The following LONP1 variants were observed in gnomAD, a reference collection of about 807,000 sequenced individuals.
The protein encoded by LONP1 is lon peptidase 1, mitochondrial.
In LONP1, 31 loss-of-function variants were observed where a neutral mutation model predicts 98.5. The observed-to-expected ratio is 0.31, with a 90% CI of 0.24 to 0.42. The LOEUF is 0.42. Ranked by LOEUF, LONP1 falls within the 20% of genes least tolerant of loss-of-function variation. The pLI is 1.00. For synonymous variants in LONP1, 781 were observed against 594.7 expected, an observed-to-expected ratio of 1.31 and a Z score of -4.56; for missense variants, 1,336 against 1,350.6, an observed-to-expected ratio of 0.99 and a Z score of 0.17.
At chr19:5,714,124 G>A in intron 2 of LONP1, 59 bp downstream of exon 2, 3 of 1,333,818 alleles carry the variant, frequency 2.2e-6, no homozygotes, top group Non-Finnish European at 3.2e-6. Flanking sequence ...AGTAGGACTT[G>A]TGGTGAGCTG....
chr19:5,700,685 G>A (rs568073177), intron 9 of LONP1, 104 bp downstream of exon 9: 42 of 1,480,962 alleles, frequency 2.8e-5, no homozygotes, highest in Middle Eastern at 4.7e-4. Context: ...CCAGGCCTAC[G>A]AATTCACCAG....
Position 5,696,376 on chromosome 19 carries a change from G to T in LONP1, c.1774-5C>A. 2.5e-6 allele frequency: 4 copies of T among 1,612,364 alleles called. No individual in the cohort carries two copies. Among genetic ancestry groups the T allele is most frequent in the Non-Finnish European group, 3.4e-6 (4 of 1,179,450 alleles). On this transcript the variant is annotated splice_polypyrimidine_tract_variant and splice_region_variant and intron_variant, in intron 11 of 17. Transcript: ENST00000360614. ...GCCTCGGCCGATCTTGTCCACCTGG[G>T]GCAGCAGACAGCAGGTGGTGCCCCT...
intron 8 of LONP1, among the ~76,000 whole-genome samples, chr19:5,703,251 C>T (rs2055089472): frequency 6.6e-6 from 1 of 151,880 alleles, no homozygotes; most frequent in African/African-American, 2.4e-5. Flanking sequence ...GAGGAGATGG[C>T]CGGAGGTCCA....
At chr19:5,718,510 T>C (rs1471321023) in intron 1 of LONP1, among the ~76,000 whole-genome samples, 1 of 150,752 alleles carries the variant, frequency 6.6e-6, no homozygotes, top group Admixed American at 6.6e-5. Flanking sequence ...TGGAGCAGCG[T>C]TGGAGAAGCT....
At chr19:5,710,519 C>T (rs2055220790) in intron 4 of LONP1, among the ~76,000 whole-genome samples, 1 of 152,082 alleles carries the variant, frequency 6.6e-6, no homozygotes, top group Non-Finnish European at 1.5e-5. Flanking sequence ...CAGGTTAGAC[C>T]ACTGGTGTGT....
In LONP1 at chr19:5,719,780, G is replaced by C. The variant is rs1219655154; in HGVS notation, c.353C>G (p.Pro118Arg). Reference sequence around the variant, plus strand: ...GAGCGGCAGGTGCGGAAACACATCGGGGATCGTCATGGGCGTGAGCGCCGT... The same window carrying C: ...GAGCGGCAGGTGCGGAAACACATCGCGGATCGTCATGGGCGTGAGCGCCGT... Reference protein sequence around the residue: ...VITALTPMTIPDVFPHLPLIA... With the variant: ...VITALTPMTIRDVFPHLPLIA... Residue 118 changes from proline to arginine, a missense_variant, in exon 1 of 18, where the codon CCC becomes CGC. Around this residue, in one of 5 missense-constraint regions of LONP1, gnomAD observed 457 missense variants for 403.1 expected, o/e 1.13. Transcript: ENST00000360614. 6.2e-7 allele frequency: 1 copy of C among 1,613,362 alleles called. No homozygotes were observed. The highest frequency in any genetic ancestry group is 1.1e-5 in the South Asian group (1 of 91,082).
At chr19:5,698,573 C>T (rs1159745561) in intron 10 of LONP1, among the ~76,000 whole-genome samples, 5 of 152,166 alleles carry the variant, frequency 3.3e-5, no homozygotes, top group East Asian at 1.9e-4. Context: ...CTCTGGTGTG[C>T]GCGGCCCGGT....
chr19:5,713,493 A>G (rs1487584784), intron 2 of LONP1, among the ~76,000 whole-genome samples: 2 of 152,132 alleles, frequency 1.3e-5, no homozygotes, highest in African/African-American at 4.8e-5. Flanking sequence ...AGCCACAAAG[A>G]CATGGTCCAG....
intron 13 of LONP1, among the ~76,000 whole-genome samples, chr19:5,695,484 G>A (rs1456332411): frequency 6.6e-6 from 1 of 152,192 alleles, no homozygotes; most frequent in African/African-American, 2.4e-5. Flanking sequence ...GAGAAGTCAG[G>A]CTGGGAACTG....
chr19:5,702,260 G>T (rs1294076993), intron 8 of LONP1, among the ~76,000 whole-genome samples: 6 of 133,750 alleles, frequency 4.5e-5, no homozygotes, highest in Non-Finnish European at 7.9e-5. Context: ...GTTGGGGGGG[G>T]GGTCAGCCCC....
chr19:5,707,163 A>G lies in LONP1; in HGVS notation c.1063-20T>C, dbSNP rs747464131. 31 of 1,605,418 alleles carry G rather than the reference A, an allele frequency of 1.9e-5. No individual in the cohort carries two copies. The highest frequency in any genetic ancestry group is 2.2e-5 in the Non-Finnish European group (26 of 1,173,662). ...AGGAATCTGCCGAGACAGGGAGGACAGAAAGGATGAGCAGAAGTCGGCATC... is the reference window on the plus strand; with the variant it reads ...AGGAATCTGCCGAGACAGGGAGGACGGAAAGGATGAGCAGAAGTCGGCATC... On this transcript the variant is annotated intron_variant, in intron 6 of 17. Coordinates refer to ENST00000360614, the MANE Select transcript of LONP1 (RefSeq NM_004793.4).
intron 4 of LONP1, chr19:5,708,984 A>T (rs111468508): frequency 4.1e-5 from 6 of 146,860 alleles, no homozygotes; most frequent in African/African-American, 1.5e-4. Context: ...CTGCACTCCA[A>T]CCTGGGCGAA....
chr19:5,705,847 G>T lies in LONP1; in HGVS notation c.1292C>A (p.Pro431His). 1.2e-6 allele frequency: 2 copies of T among 1,614,150 alleles called. No individual in the cohort carries two copies. The highest frequency in any genetic ancestry group is 1.7e-6 in the Non-Finnish European group (2 of 1,180,028). The change falls in exon 8 of 18, where the codon CCC becomes CAC. Residue 431 changes from proline (P) to histidine (H), a missense_variant. Physicochemically the swap from Pro to His is moderately conservative, Grantham distance 77. Around this residue, in one of 5 missense-constraint regions of LONP1, gnomAD observed 219 missense variants for 241.0 expected, o/e 0.91. Transcript: ENST00000360614. Reference protein sequence around the residue: ...FRERLKELVVPKHVMDVVDEE... With the variant: ...FRERLKELVVHKHVMDVVDEE... The stretch of plus-strand genomic sequence containing the variant: ...GTCCACAACATCCATGACGTGCTTG[G>T]GGACCACGAGCTCCTTCAGGCGCTC...
intron 4 of LONP1, chr19:5,708,721 G>A (rs2055188746): frequency 3.6e-6 from 1 of 278,742 alleles, no homozygotes; most frequent in African/African-American, 2.2e-5. Flanking sequence ...TTTTTTAAGA[G>A]ACCAAGTCTT....
chr19:5,695,043 C>T (rs2054901544), intron 13 of LONP1, 142 bp from the exon 14 acceptor site: 2 of 988,574 alleles, frequency 2.0e-6, no homozygotes, highest in Non-Finnish European at 2.9e-6. Context: ...AGGGCCTGGA[C>T]ACCCCGCCCT....
At chr19:5,710,239 C>A (rs1395126937) in intron 4 of LONP1, among the ~76,000 whole-genome samples, 1 of 151,724 alleles carries the variant, frequency 6.6e-6, no homozygotes, top group Admixed American at 6.6e-5. Flanking sequence ...CATAAGCCAC[C>A]ACACCTGGCT....
At position 5,707,138 on chromosome 19, in the gene LONP1, A is replaced by G; in HGVS notation, c.1068T>C (p.Pro356=). ...GGGAGAGGGCCTTGTACAGCCGCTT[A>G]GGAATCTGCCGAGACAGGGAGGACA... ...LQDVLEETNI[P]KRLYKALSLL... The change falls in exon 7 of 18, where the codon CCT becomes CCC. Residue 356 remains proline, a synonymous_variant. Transcript: ENST00000360614. The G allele has an allele frequency of 6.2e-7, 1 of 1,613,104 alleles. No individual in the cohort carries two copies. Among genetic ancestry groups the G allele is most frequent in the African/African-American group, 1.3e-5 (1 of 75,064 alleles).
At chr19:5,693,954 C>T (rs556542025) in intron 15 of LONP1, among the ~76,000 whole-genome samples, 185 bp from the exon 16 acceptor site, 11 of 152,176 alleles carry the variant, frequency 7.2e-5, no homozygotes, top group Non-Finnish European at 1.3e-4. Flanking sequence ...GGGTTCCTGG[C>T]TCTGTACGCC....
chr19:5,718,418 C>A (rs1363792928), intron 1 of LONP1, among the ~76,000 whole-genome samples: 2 of 149,702 alleles, frequency 1.3e-5, no homozygotes, highest in Non-Finnish European at 2.9e-5. Context: ...GCAGAGGTTG[C>A]AGTGAGCTGA....
Sources: gnomAD v4.1 joint callset for allele counts (sites outside exome capture counted in the v4.1 genomes callset) on GRCh38, gnomAD v4.1.1 for gene constraint, gnomAD v4.1.1 regional missense constraint, MANE v1.5 for transcripts, NCBI Gene and HGNC (gene_info 2026-07-23, HGNC 2026-07-21) for gene names.